ATP6V0A4: variants seen among roughly 807,000 people sequenced by gnomAD.
ATP6V0A4 encodes the protein V-type proton ATPase 116 kDa subunit a 4.
In ATP6V0A4, 86 loss-of-function variants were observed where a neutral mutation model predicts 107.3. The ratio of observed to expected loss-of-function variants is 0.80; its 90% CI spans 0.67 to 0.96. The LOEUF is 0.96. Among genes scored for constraint, ATP6V0A4 ranks in the 40% least tolerant of loss-of-function variants. The pLI, the probability that ATP6V0A4 is intolerant of heterozygous loss-of-function variation, is 0.00. For synonymous variants in ATP6V0A4, 353 were observed against 381.4 expected, an observed-to-expected ratio of 0.93 and a Z score of 0.87; for missense variants, 908 against 1,045.6, an observed-to-expected ratio of 0.87 and a Z score of 1.81.
In ATP6V0A4 at chr7:138,732,865, TAGC is replaced by T. The variant is rs764823481; in HGVS notation, c.1908+9_1908+11del. On this transcript the variant is annotated intron_variant, in intron 17 of 21. Transcript: ENST00000310018. ...TAAAAGAAGAGTAAAAAAAAAAAAATAGCAGAAATACCTGATGTTTGTAGAGGG... is the reference window on the plus strand; with the variant it reads ...TAAAAGAAGAGTAAAAAAAAAAAAATAGAAATACCTGATGTTTGTAGAGGG... 43 of 1,441,490 alleles carry T rather than the reference TAGC, an allele frequency of 3.0e-5. No homozygotes were observed. The highest frequency in any genetic ancestry group is 3.8e-5 in the Non-Finnish European group (41 of 1,080,208). The allele number at this position is 1,441,490 out of a possible 1,614,324, so 89.3% of individuals were successfully genotyped here. A position where few individuals can be genotyped will look rare whatever the true frequency, so the allele number is the denominator to read the frequency against.
At chr7:138,763,135 A>G in intron 5 of ATP6V0A4, 110 bp from the exon 6 acceptor site, 2 of 1,493,292 alleles carry the variant, frequency 1.3e-6, no homozygotes, top group South Asian at 1.2e-5. Context: ...AGCACATAAC[A>G]TGATTGCAGA....
At chr7:138,710,174 T>C (rs1032655946) in intron 20 of ATP6V0A4, among the ~76,000 whole-genome samples, 1 of 149,136 alleles carries the variant, frequency 6.7e-6, no homozygotes, top group Non-Finnish European at 1.5e-5. Flanking sequence ...CACAGAAGTG[T>C]GCCGCCACTG....
At chr7:138,769,524 AGGCTGG>A (rs1166914632) in intron 3 of ATP6V0A4, among the ~76,000 whole-genome samples, 1 of 152,092 alleles carries the variant, frequency 6.6e-6, no homozygotes, top group African/African-American at 2.4e-5. Context: ...CATGTTGGCC[AGGCTGG>A]CCTCAAGCTC....
At position 138,724,428 on chromosome 7, in the gene ATP6V0A4, C is replaced by G. The variant is rs7807984; in HGVS notation, c.2011-2403G>C. Among the ~76,000 whole-genome samples the G allele has an allele frequency of 6.3e-3, 965 of 152,280 alleles. 10 individuals are homozygous for G. The highest frequency in any genetic ancestry group is 0.022 in the African/African-American group (898 of 41,566). On this transcript the variant is annotated intron_variant, in intron 18 of 21. Coordinates refer to ENST00000310018, the MANE Select transcript of ATP6V0A4 (RefSeq NM_020632.3). ...AAAATGTCTAAGTTCTGCTCGCATT[C>G]CCTACAGACAGCTGCCCCTTGGCCA... is the stretch of plus-strand genomic sequence containing the variant.
At chr7:138,734,459 T>A in intron 15 of ATP6V0A4, 1 of 305,494 alleles carries the variant, frequency 3.3e-6, no homozygotes, top group Non-Finnish European at 4.8e-6. Flanking sequence ...ATGACAAAAG[T>A]AACAGGATCA....
chr7:138,752,909 G>A (rs1806307609), intron 10 of ATP6V0A4, 72 bp from the exon 11 acceptor site: 2 of 1,585,754 alleles, frequency 1.3e-6, no homozygotes, highest in Non-Finnish European at 8.5e-7. Context: ...CAAAAATGGA[G>A]TGTCACAGGC....
rs769523748 is a variant in ATP6V0A4, at chr7:138,749,335, A to G, written c.1030-18T>C. On this transcript the variant is annotated intron_variant, in intron 11 of 21. Coordinates refer to ENST00000310018, the MANE Select transcript of ATP6V0A4 (RefSeq NM_020632.3). Reference sequence around the variant, plus strand: ...CTTAGTTCCTGGAAAAAAAAAAAAAAGCGACAAAGATGTAAGGAGAAGAGT... The same window carrying G: ...CTTAGTTCCTGGAAAAAAAAAAAAAGGCGACAAAGATGTAAGGAGAAGAGT... 2.7e-4 allele frequency: 411 copies of G among 1,547,104 alleles called. No homozygotes were observed. The highest frequency in any genetic ancestry group is 5.6e-5 in the Non-Finnish European group (63 of 1,132,398).
At chr7:138,751,755 A>T (rs1336498356) in intron 11 of ATP6V0A4, among the ~76,000 whole-genome samples, 2 of 152,070 alleles carry the variant, frequency 1.3e-5, no homozygotes, top group African/African-American at 2.4e-5. Flanking sequence ...CAAGCGATCT[A>T]CATATTTTGG....
intron 1 of ATP6V0A4, among the ~76,000 whole-genome samples, chr7:138,790,842 C>T (rs1434958310): frequency 6.6e-6 from 1 of 152,086 alleles, no homozygotes; most frequent in African/African-American, 2.4e-5. Context: ...TTGTGTTGCC[C>T]CCAAGCACTC....
intron 9 of ATP6V0A4, among the ~76,000 whole-genome samples, chr7:138,756,255 C>T (rs1443695742): frequency 1.3e-5 from 2 of 152,144 alleles, no homozygotes; most frequent in East Asian, 3.9e-4. Context: ...TTTTAGTTAC[C>T]CTCACATTTT....
At chr7:138,767,797 C>G (rs1246913024) in intron 5 of ATP6V0A4, among the ~76,000 whole-genome samples, 1 of 152,152 alleles carries the variant, frequency 6.6e-6, no homozygotes, top group African/African-American at 2.4e-5. Flanking sequence ...CTGGCTCTGC[C>G]TACCTCTTCA....
At chr7:138,741,561 G>C (rs1805634939) in intron 14 of ATP6V0A4, among the ~76,000 whole-genome samples, 1 of 152,206 alleles carries the variant, frequency 6.6e-6, no homozygotes. Flanking sequence ...GACTATGATA[G>C]AGTGAGAAAA....
At chr7:138,794,996 C>A (rs1808590621) in intron 1 of ATP6V0A4, among the ~76,000 whole-genome samples, 1 of 151,618 alleles carries the variant, frequency 6.6e-6, no homozygotes. Flanking sequence ...CTCCCCAGTT[C>A]AAGTGATTCT....
At chr7:138,771,612 T>C (rs1289412892) in intron 2 of ATP6V0A4, among the ~76,000 whole-genome samples, 3 of 152,024 alleles carry the variant, frequency 2.0e-5, no homozygotes, top group East Asian at 3.9e-4. Flanking sequence ...CTCCATCAGA[T>C]TGGCAAAATA....
chr7:138,730,907 A>G (rs1804967992), intron 17 of ATP6V0A4, among the ~76,000 whole-genome samples: 1 of 148,312 alleles, frequency 6.7e-6, no homozygotes, highest in African/African-American at 2.6e-5. Flanking sequence ...ACCTGATTAC[A>G]AGGCATTTTT....
rs1236651021 is a variant in ATP6V0A4, at chr7:138,766,407, TG to T, written c.291+2372del. ...TTTCAGTAGAGATGGGGTTTCACCATGTTAGTCAGGCTGGTCTCGAACTCCT... is the reference window on the plus strand; with the variant it reads ...TTTCAGTAGAGATGGGGTTTCACCATTTAGTCAGGCTGGTCTCGAACTCCT... On this transcript the variant is annotated intron_variant, in intron 5 of 21. Coordinates refer to ENST00000310018, the MANE Select transcript of ATP6V0A4 (RefSeq NM_020632.3). 2.0e-5 allele frequency among the ~76,000 whole-genome samples: 3 copies of T among 152,068 alleles called. No individual in the cohort carries two copies. The East Asian group carries it at 5.8e-4, about 30-fold the overall frequency.
At chr7:138,794,159 C>T (rs1311400010) in intron 1 of ATP6V0A4, among the ~76,000 whole-genome samples, 1 of 152,096 alleles carries the variant, frequency 6.6e-6, no homozygotes, top group Non-Finnish European at 1.5e-5. Context: ...CAGAGCCTGA[C>T]ATTATTTTGT....
chr7:138,742,918 A>AT (rs1165108383), intron 14 of ATP6V0A4, among the ~76,000 whole-genome samples: 1 of 150,226 alleles, frequency 6.7e-6, no homozygotes, highest in African/African-American at 2.5e-5. Flanking sequence ...AAAAAAAATC[A>AT]CAGATATAGC....
chr7:138,768,749 C>G (rs1306235593), intron 5 of ATP6V0A4, 31 bp downstream of exon 5: 1 of 1,612,738 alleles, frequency 6.2e-7, no homozygotes, highest in East Asian at 2.2e-5. Context: ...ACTGTCCTTA[C>G]CTGGGGAGGC....
Sources: allele counts gnomAD v4.1 joint callset (sites outside exome capture counted in the v4.1 genomes callset), GRCh38; gene constraint gnomAD v4.1.1; transcripts MANE v1.5; gene names NCBI Gene and HGNC (gene_info 2026-07-23, HGNC 2026-07-21).